TRAK1: variants seen among roughly 807,000 people sequenced by gnomAD.
TRAK1 encodes trafficking kinesin protein 1, also known as trafficking kinesin-binding protein 1.
TRAK1 carries 33 observed loss-of-function variants against 92.1 expected under a neutral mutation model. The observed-to-expected ratio is 0.36, with a 90% CI of 0.27 to 0.48. The LOEUF (loss-of-function observed/expected upper bound fraction) is 0.48. TRAK1 is among the 20% of genes least tolerant of loss of function. TRAK1 has a pLI of 0.99. For missense variants in TRAK1, 1,123 were observed against 1,257.9 expected (o/e 0.89, Z 1.62); for synonymous variants, 521 against 517.3 (o/e 1.01, Z -0.10).
At chr3:42,024,033 G>A (rs191707560) in intron 1 of TRAK1, among the ~76,000 whole-genome samples, 26 of 152,288 alleles carry the variant, frequency 1.7e-4, no homozygotes, top group African/African-American at 5.8e-4. Flanking sequence ...GGGATTACAG[G>A]CGTGAGCCAC....
chr3:42,103,763 G>A (rs569550883), intron 1 of TRAK1, among the ~76,000 whole-genome samples: 35 of 152,282 alleles, frequency 2.3e-4, no homozygotes, highest in African/African-American at 8.4e-4. Flanking sequence ...AGCTCCCAGC[G>A]TGAGTGATGC....
intron 2 of TRAK1, among the ~76,000 whole-genome samples, chr3:42,171,451 GAC>G (rs1272474396): frequency 4.6e-5 from 7 of 152,158 alleles, no homozygotes; most frequent in Admixed American, 3.9e-4. Context: ...TTGTTAATTT[GAC>G]ACACACCATA....
chr3:42,093,623 CCTCTCTT>C (rs1310296483), intron 1 of TRAK1, among the ~76,000 whole-genome samples: 1 of 136,426 alleles, frequency 7.3e-6, no homozygotes, highest in African/African-American at 2.8e-5. Context: ...TTTTCTCTCC[CCTCTCTT>C]CTCTCTTCTC....
At chr3:42,156,257 G>A (rs1034295041) in intron 2 of TRAK1, among the ~76,000 whole-genome samples, 6 of 152,192 alleles carry the variant, frequency 3.9e-5, no homozygotes, top group Non-Finnish European at 5.9e-5. Context: ...GCCCATCTCT[G>A]CCTTTAACCG....
chr3:42,058,808 T>G (rs1467391691), intron 1 of TRAK1, among the ~76,000 whole-genome samples: 1 of 152,198 alleles, frequency 6.6e-6, no homozygotes, highest in Non-Finnish European at 1.5e-5. Flanking sequence ...CATTGCTTTA[T>G]GTACCTCTAA....
At chr3:42,193,343 G>A in intron 8 of TRAK1, 138 bp downstream of exon 8, 1 of 1,218,534 alleles carries the variant, frequency 8.2e-7, no homozygotes, top group African/African-American at 1.5e-5. Flanking sequence ...AAAGCTTAGT[G>A]GACTCAGTAG....
chr3:42,139,848 G>A (rs1698435912), intron 2 of TRAK1, among the ~76,000 whole-genome samples: 1 of 152,166 alleles, frequency 6.6e-6, no homozygotes, highest in South Asian at 2.1e-4. Context: ...CCAGGCTACT[G>A]TGGTTCAGCT....
intron 14 of TRAK1, 133 bp downstream of exon 14, chr3:42,210,118 G>GGAGGA: frequency 9.2e-7 from 1 of 1,089,394 alleles, no homozygotes. Context: ...GAGGAGGAGG[G>GGAGGA]GTCTGGTGAG....
intron 1 of TRAK1, among the ~76,000 whole-genome samples, chr3:42,034,196 C>T (rs1405499456): frequency 3.3e-5 from 5 of 152,220 alleles, no homozygotes; most frequent in Non-Finnish European, 7.3e-5. Context: ...TGGCAGGACT[C>T]TGCCCCTGCC....
chr3:42,188,583 G>A (rs985715839), intron 5 of TRAK1, among the ~76,000 whole-genome samples: 1 of 152,128 alleles, frequency 6.6e-6, no homozygotes, highest in South Asian at 2.1e-4. Flanking sequence ...CTTGGCTCTG[G>A]GACTTACTAG....
chr3:42,086,447 A>T (rs1477983784), upstream of TRAK1, among the ~76,000 whole-genome samples: 1 of 151,770 alleles, frequency 6.6e-6, no homozygotes, highest in East Asian at 1.9e-4. Flanking sequence ...CTGGGATTAC[A>T]GGTGCCCGCT....
intron 1 of TRAK1, among the ~76,000 whole-genome samples, chr3:42,043,621 G>GC (rs1702641045): frequency 6.6e-6 from 1 of 151,968 alleles, no homozygotes; most frequent in African/African-American, 2.4e-5. Flanking sequence ...GAGCTGGGGG[G>GC]GGGGCGGGGG....
intron 15 of TRAK1, among the ~76,000 whole-genome samples, chr3:42,220,785 T>C (rs1710272031): frequency 1.3e-5 from 2 of 152,234 alleles, no homozygotes; most frequent in South Asian, 4.1e-4. Flanking sequence ...CCAGCACTAA[T>C]AAAGGCCTAA....
Position 42,188,596 on chromosome 3 carries a change from G to A in TRAK1, c.582-420G>A, listed in dbSNP as rs540459872. ...ATCTTGGCTCTGGGACTTACTAGCTGCATGCTGTTGGCTAGGTTACTTAAC... is the reference window on the plus strand; with the variant it reads ...ATCTTGGCTCTGGGACTTACTAGCTACATGCTGTTGGCTAGGTTACTTAAC... On this transcript the variant is annotated intron_variant, in intron 5 of 15. Coordinates refer to ENST00000327628, the MANE Select transcript of TRAK1 (RefSeq NM_001042646.3). Among the ~76,000 whole-genome samples the A allele has an allele frequency of 3.4e-4, 52 of 152,332 alleles. No homozygotes were observed. The South Asian group carries it at 0.011, about 31-fold the overall frequency.
At chr3:42,088,452 C>G (rs1704804031), upstream of TRAK1, among the ~76,000 whole-genome samples, 1 of 152,210 alleles carries the variant, frequency 6.6e-6, no homozygotes, top group Admixed American at 6.5e-5. Flanking sequence ...CAACATCTCC[C>G]TTTTCTCTAC....
intron 2 of TRAK1, among the ~76,000 whole-genome samples, chr3:42,164,556 C>T (rs1353225591): frequency 2.0e-5 from 3 of 152,186 alleles, no homozygotes; most frequent in African/African-American, 4.8e-5. Flanking sequence ...TTCACCATGC[C>T]CAGGCTCTAA....
chr3:42,205,045 C>CT (rs1708168219), intron 13 of TRAK1, among the ~76,000 whole-genome samples: 1 of 152,210 alleles, frequency 6.6e-6, no homozygotes. Flanking sequence ...AATCACCCCA[C>CT]TTTTTGAGCC....
intron 14 of TRAK1, chr3:42,217,833 G>A: frequency 6.1e-6 from 6 of 985,334 alleles, no homozygotes; most frequent in Non-Finnish European, 7.2e-6. Context: ...TTGTTTGGTT[G>A]CCTTCTCTTC....
chr3:42,169,792 G>A (rs1016874489), intron 2 of TRAK1, among the ~76,000 whole-genome samples: 5 of 152,170 alleles, frequency 3.3e-5, no homozygotes, highest in Admixed American at 6.5e-5. Flanking sequence ...ATGTTCCCCT[G>A]ATCAAAAGTG....
Sources: allele counts gnomAD v4.1 joint callset (sites outside exome capture counted in the v4.1 genomes callset), GRCh38; gene constraint gnomAD v4.1.1; transcripts MANE v1.5; gene names NCBI Gene and HGNC (gene_info 2026-07-23, HGNC 2026-07-21).